AFAP1: variants seen among roughly 807,000 people sequenced by gnomAD.
AFAP1 encodes actin filament-associated protein 1.
A neutral mutation model predicts 93.9 loss-of-function variants in AFAP1; 75 were observed. The observed-to-expected ratio is 0.80, with a 90% CI of 0.66 to 0.97. AFAP1 has a LOEUF of 0.97. AFAP1 is among the 50% of genes least tolerant of loss of function. The probability of loss-of-function intolerance (pLI) is 0.00; values close to 1 mark genes in which losing one functional copy is unlikely to be tolerated. For synonymous variants in AFAP1, 517 were observed against 430.7 expected (o/e 1.20, Z -2.48); for missense variants, 1,201 against 1,050.8 (o/e 1.14, Z -1.98).
chr4:7,870,115 A>G (rs1716894247), intron 2 of AFAP1, among the ~76,000 whole-genome samples: 1 of 152,234 alleles, frequency 6.6e-6, no homozygotes, highest in South Asian at 2.1e-4. Context: ...CATGAGGTCA[A>G]TACTACCATT....
Position 7,809,517 on chromosome 4 carries a change from T to C in AFAP1, c.1054+97A>G, listed in dbSNP as rs866290204. 2.1e-4 allele frequency: 289 copies of C among 1,404,998 alleles called. 2 individuals are homozygous for C. The Middle Eastern group carries it at 8.3e-3, about 40-fold the overall frequency. 87.0% of individuals were successfully genotyped at this position (1,404,998 alleles called of 1,614,324 possible). A position where few individuals can be genotyped will look rare whatever the true frequency, so the allele number is the denominator to read the frequency against. ...AAGTCCAATGCAAAAGAGCTCAAAT[T>C]AACGAGCCTTGGATGAACTGGGTAC... On this transcript the variant is annotated intron_variant, in intron 9 of 17. Transcript: ENST00000420658.
In AFAP1 at chr4:7,768,869, C is replaced by T. The variant is rs376810371; in HGVS notation, c.2393G>A (p.Arg798Gln). 3.7e-6 allele frequency: 6 copies of T among 1,606,880 alleles called. No homozygotes were observed. The East Asian group carries it at 6.7e-5, about 18-fold the overall frequency. ...SQAAPGSSPCRGHVLRKAKEW... is the reference protein window; with the variant it reads ...SQAAPGSSPCQGHVLRKAKEW... Reference sequence around the variant, plus strand: ...CTTGGCCTTCCGCAGCACATGCCCTCGGCAGGGGGAGCTGCCCGGGGCAGC... The same window carrying T: ...CTTGGCCTTCCGCAGCACATGCCCTTGGCAGGGGGAGCTGCCCGGGGCAGC... Residue 798 changes from arginine to glutamine, a missense_variant, in exon 17 of 18, where the codon CGA becomes CAA. By Grantham distance (43) the Arg-to-Gln change is conservative. Coordinates refer to ENST00000420658, the MANE Select transcript of AFAP1 (RefSeq NM_001134647.2).
intron 1 of AFAP1, among the ~76,000 whole-genome samples, chr4:7,891,239 G>A (rs1718451450): frequency 6.6e-6 from 1 of 152,240 alleles, no homozygotes; most frequent in African/African-American, 2.4e-5. Context: ...GCAGGGCCAG[G>A]AAGCAGATGA....
chr4:7,928,100 C>A (rs1720869038), intron 1 of AFAP1, among the ~76,000 whole-genome samples: 1 of 152,214 alleles, frequency 6.6e-6, no homozygotes, highest in Non-Finnish European at 1.5e-5. Flanking sequence ...GGACCCAGTT[C>A]TGCTTCAAAG....
chr4:7,927,815 T>A (rs1220843881), intron 1 of AFAP1, among the ~76,000 whole-genome samples: 1 of 152,198 alleles, frequency 6.6e-6, no homozygotes, highest in African/African-American at 2.4e-5. Flanking sequence ...CCCACACATA[T>A]ATTCTTGTAT....
Position 7,939,351 on chromosome 4 carries a change from G to A in AFAP1, c.-3+305C>T, listed in dbSNP as rs1183979937. The A allele has an allele frequency of 2.2e-5, 7 of 325,104 alleles. No homozygotes were observed. Among genetic ancestry groups the A allele is most frequent in the African/African-American group, 6.9e-5 (3 of 43,690 alleles). 20.1% of individuals were successfully genotyped at this position (325,104 alleles called of 1,614,324 possible). ...TCGCAGGGCCCCCTCTGACGCACACGGGGACCAGCCACGCCGCGGGGGCAC... is the reference window on the plus strand; with the variant it reads ...TCGCAGGGCCCCCTCTGACGCACACAGGGACCAGCCACGCCGCGGGGGCAC... On this transcript the variant is annotated intron_variant, in intron 1 of 17. Coordinates refer to ENST00000420658, the MANE Select transcript of AFAP1 (RefSeq NM_001134647.2). The surrounding 1 kb of genome is among the most constrained non-coding windows in gnomAD (Gnocchi z 5.6).
intron 3 of AFAP1, among the ~76,000 whole-genome samples, chr4:7,860,756 T>C (rs564671280): frequency 6.6e-6 from 1 of 152,266 alleles, no homozygotes; most frequent in Admixed American, 6.5e-5. Context: ...GCGGACAAGA[T>C]GTAAGGAGGG....
At chr4:7,903,281 A>G (rs1290615404) in intron 1 of AFAP1, among the ~76,000 whole-genome samples, 3 of 152,260 alleles carry the variant, frequency 2.0e-5, no homozygotes, top group Non-Finnish European at 4.4e-5. Context: ...AGACAAGCAA[A>G]AAGTATGTTA....
intron 13 of AFAP1, 135 bp downstream of exon 13, chr4:7,781,241 T>A: frequency 1.7e-6 from 2 of 1,159,884 alleles, no homozygotes; most frequent in Non-Finnish European, 1.2e-6. Flanking sequence ...GGCTGCAAAT[T>A]ATATTCTAGT....
intron 9 of AFAP1, among the ~76,000 whole-genome samples, chr4:7,802,728 C>CA (rs1351425079): frequency 1.3e-5 from 2 of 149,602 alleles, no homozygotes; most frequent in Non-Finnish European, 2.9e-5. Context: ...CAGCTCACTG[C>CA]AAGCTCTGCC....
At chr4:7,789,355 G>C (rs1717617669) in intron 11 of AFAP1, among the ~76,000 whole-genome samples, 1 of 152,100 alleles carries the variant, frequency 6.6e-6, no homozygotes, top group African/African-American at 2.4e-5. Flanking sequence ...GGGTGGCCAA[G>C]AGAACTGCCT....
At chr4:7,822,222 G>T (rs1194406236) in intron 6 of AFAP1, among the ~76,000 whole-genome samples, 1 of 152,144 alleles carries the variant, frequency 6.6e-6, no homozygotes, top group Non-Finnish European at 1.5e-5. Flanking sequence ...TTAAACCCCA[G>T]GTGGACCACT....
At chr4:7,904,068 T>G (rs1719265255) in intron 1 of AFAP1, among the ~76,000 whole-genome samples, 1 of 152,160 alleles carries the variant, frequency 6.6e-6, no homozygotes, top group African/African-American at 2.4e-5. Context: ...TTGCTGAATT[T>G]GCCAGCTTGC....
intron 3 of AFAP1, among the ~76,000 whole-genome samples, chr4:7,864,165 C>CATTCCCAACTTCTCAT (rs1553848534): frequency 7.3e-5 from 4 of 54,914 alleles, no homozygotes; most frequent in South Asian, 6.5e-4. Flanking sequence ...TCATCACAAC[C>CATTCCCAACTTCTCAT]CACAGGTCCT....
chr4:7,913,098 C>T (rs1353124039), intron 1 of AFAP1, among the ~76,000 whole-genome samples: 1 of 152,130 alleles, frequency 6.6e-6, no homozygotes, highest in Non-Finnish European at 1.5e-5. Flanking sequence ...CATCATCCCA[C>T]TTATATGGGG....
At chr4:7,845,425 T>C (rs961004854) in intron 4 of AFAP1, among the ~76,000 whole-genome samples, 3 of 131,724 alleles carry the variant, frequency 2.3e-5, no homozygotes, top group Non-Finnish European at 5.5e-5. Flanking sequence ...ATTATTATTA[T>C]TATTATTACT....
chr4:7,893,957 G>A (rs976817593), intron 1 of AFAP1, among the ~76,000 whole-genome samples: 17 of 152,302 alleles, frequency 1.1e-4, no homozygotes, highest in African/African-American at 4.1e-4. Flanking sequence ...GCCTCAGCGA[G>A]CCCTGGAGGC....
At chr4:7,918,803 GT>G (rs1206953949) in intron 1 of AFAP1, among the ~76,000 whole-genome samples, 1 of 125,350 alleles carries the variant, frequency 8.0e-6, no homozygotes, top group Non-Finnish European at 1.6e-5. Context: ...AAACAGGGCT[GT>G]TGGAAGAGAC....
chr4:7,814,577 C>T (rs2149061289), intron 8 of AFAP1, among the ~76,000 whole-genome samples: 1 of 152,338 alleles, frequency 6.6e-6, no homozygotes. Flanking sequence ...TGGAATGCCT[C>T]CAGCAGCAGC....
Sources: allele counts gnomAD v4.1 joint callset (sites outside exome capture counted in the v4.1 genomes callset), GRCh38; gene constraint gnomAD v4.1.1; non-coding constraint Gnocchi (gnomAD v3.1); transcripts MANE v1.5; gene names NCBI Gene and HGNC (gene_info 2026-07-23, HGNC 2026-07-21).